The following THEMIS variants were observed in gnomAD, a reference collection of about 807,000 sequenced individuals.
THEMIS encodes thymocyte selection associated, also known as protein THEMIS.
In THEMIS, 37 loss-of-function variants were observed where a neutral mutation model predicts 52.6. The ratio of observed to expected loss-of-function variants is 0.70; its 90% CI spans 0.54 to 0.93. THEMIS has a LOEUF of 0.93. Among genes scored for constraint, THEMIS ranks in the 40% least tolerant of loss-of-function variants. THEMIS has a pLI of 0.00. For synonymous variants in THEMIS, 292 were observed against 272.7 expected, an observed-to-expected ratio of 1.07 and a Z score of -0.70; for missense variants, 808 against 763.1, an observed-to-expected ratio of 1.06 and a Z score of -0.69.
intron 2 of THEMIS, among the ~76,000 whole-genome samples, chr6:127,849,201 G>T (rs536556280): frequency 1.3e-5 from 2 of 152,032 alleles, no homozygotes; most frequent in East Asian, 1.9e-4. Flanking sequence ...CCCATTTCTT[G>T]TTTTTGTCAG....
At chr6:127,874,113 G>C (rs1244389274) in intron 1 of THEMIS, among the ~76,000 whole-genome samples, 1 of 152,182 alleles carries the variant, frequency 6.6e-6, no homozygotes, top group Non-Finnish European at 1.5e-5. Context: ...GTTTGTACAC[G>C]AGAATGAGCT....
chr6:127,869,059 C>T (rs895378118), intron 1 of THEMIS, among the ~76,000 whole-genome samples: 2 of 151,860 alleles, frequency 1.3e-5, no homozygotes, highest in African/African-American at 2.4e-5. Context: ...ATGAACATTG[C>T]AAGACATTAA....
the THEMIS span, among the ~76,000 whole-genome samples, chr6:127,697,070 C>T: frequency 6.6e-6 from 1 of 152,032 alleles, no homozygotes; most frequent in Non-Finnish European, 1.5e-5. Flanking sequence ...AGCCTAGACC[C>T]CTCTCCCGAC....
At chr6:127,701,063 T>C in the THEMIS span, among the ~76,000 whole-genome samples, 21 of 152,216 alleles carry the variant, frequency 1.4e-4, no homozygotes, top group Admixed American at 2.6e-4. Flanking sequence ...AAACCTTCAT[T>C]AATCAAAACC....
intron 4 of THEMIS, among the ~76,000 whole-genome samples, chr6:127,738,521 C>A (rs190919347): frequency 3.9e-5 from 6 of 152,264 alleles, no homozygotes; most frequent in Admixed American, 3.3e-4. Flanking sequence ...CTCTATAACT[C>A]CATTGCTATT....
At chr6:127,885,651 C>A (rs1780622955) in intron 1 of THEMIS, among the ~76,000 whole-genome samples, 1 of 151,952 alleles carries the variant, frequency 6.6e-6, no homozygotes, top group Admixed American at 6.6e-5. Flanking sequence ...ATATTTTTTG[C>A]AGGAACAAGA....
At chr6:127,862,481 G>A (rs770259986) in intron 1 of THEMIS, among the ~76,000 whole-genome samples, 32 of 127,744 alleles carry the variant, frequency 2.5e-4, no homozygotes, top group African/African-American at 7.4e-4. Flanking sequence ...GTGCAGTGGC[G>A]CAAACTCTGC....
intron 1 of THEMIS, among the ~76,000 whole-genome samples, chr6:127,915,973 C>T (rs1434821976): frequency 6.6e-6 from 1 of 151,970 alleles, no homozygotes; most frequent in East Asian, 1.9e-4. Context: ...GGTGACAGAG[C>T]ACCACTCCGT....
Position 127,812,937 on chromosome 6 carries a change from T to C in THEMIS, c.1704A>G (p.Leu568=). ...PKHPSVEETK[L]TLLTLAEERT... ...TTTCTTCTGCTAAGGTTAGCAGGGT[T>C]AACTTTGTTTCCTCTACTGAGGGGT... Residue 568 remains leucine (L), a synonymous_variant, in exon 4 of 6, where the codon TTA becomes TTG. Coordinates refer to ENST00000368248, the MANE Select transcript of THEMIS (RefSeq NM_001010923.3). The C allele has an allele frequency of 6.2e-7, 1 of 1,613,970 alleles. No homozygotes were observed. The highest frequency in any genetic ancestry group is 8.5e-7 in the Non-Finnish European group (1 of 1,179,954).
At chr6:127,738,444 T>C (rs1280637474) in intron 4 of THEMIS, among the ~76,000 whole-genome samples, 2 of 152,212 alleles carry the variant, frequency 1.3e-5, no homozygotes, top group Non-Finnish European at 2.9e-5. Flanking sequence ...TCTATCTTAT[T>C]ACAATAGCAA....
chr6:127,813,939 G>A lies in THEMIS; in HGVS notation c.710-8C>T. ...GGATTATATCTTTTCGAACTAAAAA[G>A]AAAAAATAAATCACTATGATATTTT... On this transcript the variant is annotated splice_region_variant and splice_polypyrimidine_tract_variant and intron_variant, in intron 3 of 5. Transcript: ENST00000368248. 6.6e-7 allele frequency: 1 copy of A among 1,520,952 alleles called. No homozygotes were observed. Among genetic ancestry groups the A allele is most frequent in the Non-Finnish European group, 8.8e-7 (1 of 1,137,890 alleles). The allele number at this position is 1,520,952 out of a possible 1,614,324, so 94.2% of individuals were successfully genotyped here. A position where few individuals can be genotyped will look rare whatever the true frequency, so the allele number is the denominator to read the frequency against.
intron 1 of THEMIS, among the ~76,000 whole-genome samples, chr6:127,869,189 T>A (rs1780078371): frequency 1.3e-5 from 2 of 152,218 alleles, no homozygotes; most frequent in Non-Finnish European, 2.9e-5. Context: ...CAACTTACCA[T>A]AGGGTTACAT....
intron 4 of THEMIS, among the ~76,000 whole-genome samples, chr6:127,732,954 TG>T (rs1774862972): frequency 6.6e-6 from 1 of 152,216 alleles, no homozygotes; most frequent in Non-Finnish European, 1.5e-5. Context: ...CACGGGTATG[TG>T]AAGTAGCAGT....
chr6:127,828,507 A>G (rs1562284385), intron 3 of THEMIS, among the ~76,000 whole-genome samples: 1 of 152,206 alleles, frequency 6.6e-6, no homozygotes, highest in Non-Finnish European at 1.5e-5. Flanking sequence ...ACCCAGAGTT[A>G]GAATCTAGGA....
intron 4 of THEMIS, among the ~76,000 whole-genome samples, chr6:127,802,164 A>C (rs964989564): frequency 3.3e-5 from 5 of 152,190 alleles, no homozygotes; most frequent in African/African-American, 1.2e-4. Context: ...GTAAAGGAAA[A>C]GATCCAAAGG....
At position 127,848,807 on chromosome 6, in the gene THEMIS, C is replaced by T. The variant is rs1472878873; in HGVS notation, c.250+6223G>A. Reference sequence around the variant, plus strand: ...TTCTTGTAAATTTGTTTGAATTCATCGTAGATTCTGCATATTAGCCCTTTG... The same window carrying T: ...TTCTTGTAAATTTGTTTGAATTCATTGTAGATTCTGCATATTAGCCCTTTG... On this transcript the variant is annotated intron_variant, in intron 2 of 5. Coordinates refer to ENST00000368248, the MANE Select transcript of THEMIS (RefSeq NM_001010923.3). 3.9e-5 allele frequency among the ~76,000 whole-genome samples: 6 copies of T among 151,914 alleles called. No homozygotes were observed. The East Asian group carries it at 7.7e-4, about 19-fold the overall frequency.
chr6:127,826,559 G>C (rs145041283), intron 3 of THEMIS, among the ~76,000 whole-genome samples: 1 of 152,264 alleles, frequency 6.6e-6, no homozygotes, highest in East Asian at 1.9e-4. Flanking sequence ...ATACAACTCT[G>C]AAATTTTCAC....
intron 2 of THEMIS, among the ~76,000 whole-genome samples, chr6:127,845,354 C>T (rs1011708859): frequency 2.0e-5 from 3 of 151,526 alleles, no homozygotes; most frequent in Non-Finnish European, 4.4e-5. Context: ...TTTCAAAAGT[C>T]GAAAAATTAA....
intron 4 of THEMIS, among the ~76,000 whole-genome samples, chr6:127,774,454 C>T (rs1483717422): frequency 4.6e-5 from 7 of 152,200 alleles, no homozygotes; most frequent in African/African-American, 1.7e-4. Flanking sequence ...ATCCACATGT[C>T]TCGGCCTCCC....
Sources: allele counts gnomAD v4.1 joint callset (sites outside exome capture counted in the v4.1 genomes callset), GRCh38; gene constraint gnomAD v4.1.1; transcripts MANE v1.5; gene names NCBI Gene and HGNC (gene_info 2026-07-23, HGNC 2026-07-21).